Variants in CALCR observed in about 807,000 individuals in gnomAD.
CALCR encodes the protein calcitonin receptor.
Under a neutral mutation model 59.5 loss-of-function variants are expected in CALCR, and 47 were observed. The observed-to-expected ratio is 0.79, with a 90% CI of 0.63 to 1.01. The LOEUF (loss-of-function observed/expected upper bound fraction) is 1.01. Ranked by LOEUF, CALCR falls within the 50% of genes least tolerant of loss-of-function variation. CALCR has a pLI of 0.00. For missense variants in CALCR, 566 were observed against 597.1 expected (o/e 0.95, Z 0.54); for synonymous variants, 213 against 211.3 (o/e 1.01, Z -0.07).
At chr7:93,504,180 T>C (rs1369687762) in intron 2 of CALCR, among the ~76,000 whole-genome samples, 1 of 152,218 alleles carries the variant, frequency 6.6e-6, no homozygotes, top group Non-Finnish European at 1.5e-5. Flanking sequence ...AGTGATATTA[T>C]AGAAAATTGC....
chr7:93,473,449 C>T (rs78493560), intron 5 of CALCR, among the ~76,000 whole-genome samples: 274 of 151,754 alleles, frequency 1.8e-3, no homozygotes, highest in African/African-American at 6.4e-3. Flanking sequence ...TGGCAATGTG[C>T]CAACTGGTCA....
At chr7:93,483,721 T>C (rs1800858896) in intron 3 of CALCR, among the ~76,000 whole-genome samples, 1 of 151,616 alleles carries the variant, frequency 6.6e-6, no homozygotes, top group South Asian at 2.1e-4. Context: ...TGTAAGAGAC[T>C]TCAAATATCC....
intron 2 of CALCR, among the ~76,000 whole-genome samples, chr7:93,536,815 G>A (rs909909478): frequency 2.6e-5 from 4 of 151,520 alleles, no homozygotes; most frequent in African/African-American, 9.7e-5. Context: ...ATTAGTGGTG[G>A]AACTTAAGTA....
intron 2 of CALCR, among the ~76,000 whole-genome samples, chr7:93,529,206 G>C (rs1788763257): frequency 6.6e-6 from 1 of 151,764 alleles, no homozygotes; most frequent in African/African-American, 2.4e-5. Flanking sequence ...CTCTGGCTTA[G>C]CACTATCCTT....
intron 2 of CALCR, among the ~76,000 whole-genome samples, chr7:93,563,250 C>T (rs951782998): frequency 1.3e-5 from 2 of 152,150 alleles, no homozygotes; most frequent in Non-Finnish European, 2.9e-5. Flanking sequence ...GAATAGGAAA[C>T]TTGACTATTT....
chr7:93,542,509 A>C (rs1247087736), intron 2 of CALCR, among the ~76,000 whole-genome samples: 1 of 152,168 alleles, frequency 6.6e-6, no homozygotes, highest in Non-Finnish European at 1.5e-5. Flanking sequence ...ATTACTGTAC[A>C]CTATGTAGAC....
At chr7:93,481,683 C>T (rs537718519) in intron 3 of CALCR, among the ~76,000 whole-genome samples, 2 of 151,946 alleles carry the variant, frequency 1.3e-5, no homozygotes, top group East Asian at 3.9e-4. Flanking sequence ...ATTATTATAA[C>T]ATTACTGTGA....
chr7:93,438,233 G>C lies in CALCR; in HGVS notation c.840C>G (p.Thr280=), dbSNP rs749664555. 2 of 1,613,302 alleles carry C rather than the reference G, an allele frequency of 1.2e-6. No individual in the cohort carries two copies. Among genetic ancestry groups the C allele is most frequent in the South Asian group, 2.2e-5 (2 of 91,064 alleles). ...PLVPTTIHAI[T]RAVYFNDNCW... ...ACTTGTCATTGAAGTACACGGCCCT[G>C]GTAATAGCATGGATAGTGGTTGGCA... is the stretch of plus-strand genomic sequence containing the variant. The change falls in exon 10 of 14, where the codon ACC becomes ACG. Residue 280 remains threonine (T), a synonymous_variant. Transcript: ENST00000426151.
chr7:93,489,498 A>G (rs998554238), intron 2 of CALCR, among the ~76,000 whole-genome samples: 2 of 151,696 alleles, frequency 1.3e-5, no homozygotes, highest in Non-Finnish European at 2.9e-5. Flanking sequence ...AAAAAAATTT[A>G]AAAAATAGAT....
At chr7:93,460,381 C>A (rs990422408) in intron 8 of CALCR, among the ~76,000 whole-genome samples, 10 of 151,022 alleles carry the variant, frequency 6.6e-5, no homozygotes, top group Non-Finnish European at 1.3e-4. Flanking sequence ...TGGTGAAACC[C>A]CGTTTCTACT....
At chr7:93,458,709 C>T (rs1271009780) in intron 8 of CALCR, among the ~76,000 whole-genome samples, 1 of 152,114 alleles carries the variant, frequency 6.6e-6, no homozygotes. Context: ...CCTCCTTTAC[C>T]ACACCACCTC....
At chr7:93,559,932 CTG>C (rs1157944895) in intron 2 of CALCR, 1 of 152,074 alleles carries the variant, frequency 6.6e-6, no homozygotes, top group East Asian at 1.9e-4. Flanking sequence ...AACTTAATAA[CTG>C]TTAAATCTTT....
intron 2 of CALCR, among the ~76,000 whole-genome samples, chr7:93,560,963 TTATTGACTGCTA>T (rs1180749962): frequency 1.3e-5 from 2 of 152,216 alleles, no homozygotes; most frequent in Non-Finnish European, 2.9e-5. Context: ...TAGATAGCAG[TTATTGACTGCTA>T]TATGCCTTGT....
intron 2 of CALCR, among the ~76,000 whole-genome samples, chr7:93,504,145 A>T (rs938833383): frequency 2.0e-5 from 3 of 152,188 alleles, no homozygotes; most frequent in Non-Finnish European, 4.4e-5. Flanking sequence ...TTCCAACAAT[A>T]TACAAACAAA....
chr7:93,570,322 T>G (rs922994583), intron 2 of CALCR, among the ~76,000 whole-genome samples: 3 of 152,080 alleles, frequency 2.0e-5, no homozygotes, highest in Non-Finnish European at 4.4e-5. Flanking sequence ...TGACTGAATA[T>G]TAGGAGAATA....
At chr7:93,477,505 G>A (rs1800690443) in intron 5 of CALCR, 53 bp downstream of exon 5, 1 of 1,277,152 alleles carries the variant, frequency 7.8e-7, no homozygotes. Context: ...TCAAAACCAT[G>A]AAAACTCTAA....
At chr7:93,485,673 A>G (rs949536247) in intron 3 of CALCR, among the ~76,000 whole-genome samples, 5 of 151,606 alleles carry the variant, frequency 3.3e-5, no homozygotes, top group Non-Finnish European at 5.9e-5. Flanking sequence ...GCAAATTAAA[A>G]TATTCTATTA....
chr7:93,552,848 C>A (rs1469469445), intron 2 of CALCR, among the ~76,000 whole-genome samples: 1 of 152,102 alleles, frequency 6.6e-6, no homozygotes, highest in African/African-American at 2.4e-5. Context: ...TAGCACTCCT[C>A]CCCGGTAAAA....
At chr7:93,563,398 T>C (rs1548457) in intron 2 of CALCR, among the ~76,000 whole-genome samples, 44,203 of 152,138 alleles carry the variant, frequency 0.29, 7,785 homozygotes, top group Non-Finnish European at 0.39. Flanking sequence ...GTTTTGAAAT[T>C]CTATTTAGAG....
Sources: gnomAD v4.1 joint callset for allele counts (sites outside exome capture counted in the v4.1 genomes callset) on GRCh38, gnomAD v4.1.1 for gene constraint, MANE v1.5 for transcripts, NCBI Gene and HGNC (gene_info 2026-07-23, HGNC 2026-07-21) for gene names.